The following MARCHF1 variants were observed in gnomAD, a reference collection of about 807,000 sequenced individuals.
MARCHF1 encodes the protein E3 ubiquitin-protein ligase MARCHF1.
A neutral mutation model predicts 54.2 loss-of-function variants in MARCHF1; 40 were observed. The ratio of observed to expected loss-of-function variants is 0.74; its 90% CI spans 0.57 to 0.96. The LOEUF is 0.96. Among genes scored for constraint, MARCHF1 ranks in the 40% least tolerant of loss-of-function variants. The pLI, the probability that MARCHF1 is intolerant of heterozygous loss-of-function variation, is 0.00. For synonymous variants in MARCHF1, 236 were observed against 236.3 expected (o/e 1.00, Z 0.01); for missense variants, 586 against 656.5 (o/e 0.89, Z 1.17).
chr4:164,342,580 A>T (rs1275096588), intron 1 of MARCHF1, among the ~76,000 whole-genome samples: 8 of 151,844 alleles, frequency 5.3e-5, no homozygotes, highest in Admixed American at 5.3e-4. Context: ...AAATAAATAA[A>T]ACTACAATAT....
chr4:164,222,478 T>C (rs1371105565), intron 1 of MARCHF1, among the ~76,000 whole-genome samples: 1 of 151,926 alleles, frequency 6.6e-6, no homozygotes, highest in Non-Finnish European at 1.5e-5. Flanking sequence ...AAATGGCTTA[T>C]TAGTGTAGAC....
At chr4:163,657,942 C>G (rs1227329750) in intron 5 of MARCHF1, among the ~76,000 whole-genome samples, 1 of 151,914 alleles carries the variant, frequency 6.6e-6, no homozygotes, top group Admixed American at 6.6e-5. Flanking sequence ...AATGTAAAAC[C>G]GAAAACTGTA....
At chr4:163,773,017 A>G (rs1226587035) in intron 4 of MARCHF1, among the ~76,000 whole-genome samples, 1 of 152,186 alleles carries the variant, frequency 6.6e-6, no homozygotes, top group African/African-American at 2.4e-5. Context: ...AAATAAATGG[A>G]AAGTACCTGT....
intron 3 of MARCHF1, among the ~76,000 whole-genome samples, chr4:163,893,034 A>G (rs181794864): frequency 1.0e-3 from 159 of 152,244 alleles, no homozygotes; most frequent in African/African-American, 3.7e-3. Flanking sequence ...ATAAAGCACA[A>G]TAAGTCAGTT....
At chr4:163,824,006 G>T in intron 4 of MARCHF1, among the ~76,000 whole-genome samples, 1 of 151,726 alleles carries the variant, frequency 6.6e-6, no homozygotes, top group African/African-American at 2.4e-5. Context: ...TTAATTAAAA[G>T]ATGGGGGTGT....
chr4:164,233,207 A>C (rs551085861), intron 1 of MARCHF1, among the ~76,000 whole-genome samples: 1 of 152,102 alleles, frequency 6.6e-6, no homozygotes, highest in South Asian at 2.1e-4. Context: ...CTTACTTTGT[A>C]GTCCAACTCT....
intron 1 of MARCHF1, among the ~76,000 whole-genome samples, chr4:164,126,756 G>A (rs1756191295): frequency 1.3e-5 from 2 of 152,090 alleles, no homozygotes; most frequent in South Asian, 2.1e-4. Context: ...CCATTCTAAC[G>A]AGATCTCAGA....
At chr4:164,140,780 AC>A (rs1333240654) in intron 1 of MARCHF1, among the ~76,000 whole-genome samples, 1 of 152,032 alleles carries the variant, frequency 6.6e-6, no homozygotes, top group African/African-American at 2.4e-5. Flanking sequence ...ATACACACAC[AC>A]ACACTGAACT....
At chr4:163,982,658 T>A (rs11730804) in intron 3 of MARCHF1, among the ~76,000 whole-genome samples, 12,469 of 152,266 alleles carry the variant, frequency 0.082, 612 homozygotes, top group Non-Finnish European at 0.11. Context: ...GAAGGACTGA[T>A]CCACTAGCCC....
chr4:163,921,427 G>A (rs1003582816), intron 3 of MARCHF1, among the ~76,000 whole-genome samples: 2 of 152,052 alleles, frequency 1.3e-5, no homozygotes, highest in African/African-American at 4.8e-5. Context: ...TTACATGTTT[G>A]CCTTTAATCC....
chr4:163,553,005 C>A (rs898576167), intron 8 of MARCHF1, among the ~76,000 whole-genome samples: 1 of 143,488 alleles, frequency 7.0e-6, no homozygotes, highest in Non-Finnish European at 1.5e-5. Context: ...TGCCCTCCAG[C>A]CTGGGCGACA....
intron 3 of MARCHF1, among the ~76,000 whole-genome samples, chr4:163,895,374 T>C (rs753761106): frequency 1.3e-5 from 2 of 152,224 alleles, no homozygotes; most frequent in Non-Finnish European, 2.9e-5. Flanking sequence ...CTGAGATAGC[T>C]ACACTTCCTG....
At chr4:164,143,803 A>T (rs1729573941) in intron 1 of MARCHF1, among the ~76,000 whole-genome samples, 1 of 152,210 alleles carries the variant, frequency 6.6e-6, no homozygotes, top group African/African-American at 2.4e-5. Context: ...TAATGACAGG[A>T]TCAAATTCAC....
chr4:164,027,492 C>A (rs1753796623), intron 2 of MARCHF1, among the ~76,000 whole-genome samples: 1 of 148,934 alleles, frequency 6.7e-6, no homozygotes, highest in African/African-American at 2.5e-5. Flanking sequence ...ACAAAACAAG[C>A]AATGGGAAAT....
rs1284384866 is a variant in MARCHF1 at position 163,934,186 on chromosome 4, A to G, written c.-39+54315T>C. Among the ~76,000 whole-genome samples the G allele has an allele frequency of 5.3e-5, 8 of 152,170 alleles. No homozygotes were observed. The East Asian group carries it at 1.3e-3, about 26-fold the overall frequency. On this transcript the variant is annotated intron_variant, in intron 3 of 9. Transcript: ENST00000514618. ...TACCGTGCACTGCTAATCATTGACT[A>G]TAGTCCCAAAAAAGCCTTGTGAAAA... is the stretch of plus-strand genomic sequence containing the variant.
intron 1 of MARCHF1, among the ~76,000 whole-genome samples, chr4:164,173,948 C>A (rs907230932): frequency 6.6e-6 from 1 of 152,160 alleles, no homozygotes; most frequent in African/African-American, 2.4e-5. Context: ...TTATAAGTGC[C>A]ATTCTATTGT....
chr4:163,799,606 G>A lies in MARCHF1; in HGVS notation c.111+54415C>T, dbSNP rs897830889. Reference sequence around the variant, plus strand: ...ATTTGACAGTTCTCAACAAGATTCCGGAGAAAAGTTAATTCCTTCAAAACA... The same window carrying A: ...ATTTGACAGTTCTCAACAAGATTCCAGAGAAAAGTTAATTCCTTCAAAACA... On this transcript the variant is annotated intron_variant, in intron 4 of 9. Transcript: ENST00000514618. Among the ~76,000 whole-genome samples, 14 of 151,982 alleles carry A rather than the reference G, an allele frequency of 9.2e-5. No homozygotes were observed. The East Asian group carries it at 9.6e-4, about 10-fold the overall frequency.
intron 3 of MARCHF1, among the ~76,000 whole-genome samples, chr4:163,978,428 A>T (rs1447871297): frequency 6.6e-6 from 1 of 152,178 alleles, no homozygotes; most frequent in African/African-American, 2.4e-5. Flanking sequence ...AATGGTGTTT[A>T]TTTTATCCGA....
At position 164,101,132 on chromosome 4, in the gene MARCHF1, A is replaced by T. The variant is rs1352354440; in HGVS notation, c.-248+10456T>A. ...GTCCTACGCCCACGGAGTCTTGCTGATTGCTAGCACGGCAGTCTGAGATCA... is the reference window on the plus strand; with the variant it reads ...GTCCTACGCCCACGGAGTCTTGCTGTTTGCTAGCACGGCAGTCTGAGATCA... On this transcript the variant is annotated intron_variant, in intron 2 of 9. Transcript: ENST00000514618. Among the ~76,000 whole-genome samples, 6 of 152,202 alleles carry T rather than the reference A, an allele frequency of 3.9e-5. No homozygotes were observed. The East Asian group carries it at 1.2e-3, about 29-fold the overall frequency.
Sources: allele counts gnomAD v4.1 joint callset (sites outside exome capture counted in the v4.1 genomes callset), GRCh38; gene constraint gnomAD v4.1.1; transcripts MANE v1.5; gene names NCBI Gene and HGNC (gene_info 2026-07-23, HGNC 2026-07-21).